SHISAL2A: variants seen among roughly 807,000 people sequenced by gnomAD.
The protein encoded by SHISAL2A is shisa like 2A.
In SHISAL2A, 18 loss-of-function variants were observed where a neutral mutation model predicts 11.5. The observed-to-expected ratio is 1.57, with a 90% CI of 1.08 to 2.33. SHISAL2A has a LOEUF of 2.33. Among genes scored for constraint, SHISAL2A ranks in the 30% most tolerant of loss-of-function variants. SHISAL2A has a pLI of 0.00. For missense variants in SHISAL2A, 261 were observed against 250.9 expected, an observed-to-expected ratio of 1.04 and a Z score of -0.27; for synonymous variants, 94 against 99.6, an observed-to-expected ratio of 0.94 and a Z score of 0.34.
chr1:52,665,295 C>G (rs866379935), intron 4 of SHISAL2A, among the ~76,000 whole-genome samples: 3 of 152,158 alleles, frequency 2.0e-5, no homozygotes, highest in African/African-American at 7.2e-5. Flanking sequence ...GAATCTTGAG[C>G]CTGATTCTAA....
At chr1:52,651,009 A>C (rs1691632231) in intron 2 of SHISAL2A, among the ~76,000 whole-genome samples, 3 of 151,922 alleles carry the variant, frequency 2.0e-5, no homozygotes, top group Non-Finnish European at 4.4e-5. Flanking sequence ...TTGCTAAAAA[A>C]AAAAGTGAGT....
chr1:52,647,669 A>C (rs922085350), intron 2 of SHISAL2A, among the ~76,000 whole-genome samples: 1 of 151,970 alleles, frequency 6.6e-6, no homozygotes, highest in Non-Finnish European at 1.5e-5. Context: ...AACATGGTGA[A>C]ACCCATCCCT....
chr1:52,655,113 G>A (rs1209844789), intron 2 of SHISAL2A, among the ~76,000 whole-genome samples: 4 of 152,132 alleles, frequency 2.6e-5, no homozygotes, highest in Non-Finnish European at 5.9e-5. Flanking sequence ...TTGAACCCAG[G>A]AAATGGAGGT....
At chr1:52,657,516 G>A (rs72907554), downstream of SHISAL2A, among the ~76,000 whole-genome samples, 280 of 152,214 alleles carry the variant, frequency 1.8e-3, 1 homozygote, top group African/African-American at 6.0e-3. Flanking sequence ...GGGCTCAGGC[G>A]TCATTCTATT....
intron 4 of SHISAL2A, among the ~76,000 whole-genome samples, chr1:52,662,344 A>AT (rs1330045924): frequency 3.3e-5 from 5 of 149,774 alleles, no homozygotes; most frequent in East Asian, 1.9e-4. Flanking sequence ...ATTTTATTTT[A>AT]TTTATTTATT....
intron 1 of SHISAL2A, among the ~76,000 whole-genome samples, chr1:52,635,805 A>G (rs1031602890): frequency 5.3e-5 from 8 of 152,246 alleles, no homozygotes; most frequent in Non-Finnish European, 1.0e-4. Flanking sequence ...TCTTTGTTTT[A>G]AAGTTAAACT....
intron 2 of SHISAL2A, among the ~76,000 whole-genome samples, chr1:52,650,807 G>A (rs1691623590): frequency 6.6e-6 from 1 of 151,578 alleles, no homozygotes; most frequent in Admixed American, 6.6e-5. Flanking sequence ...ACCACACCCG[G>A]CTAATTTTTG....
intron 2 of SHISAL2A, among the ~76,000 whole-genome samples, chr1:52,650,618 A>G (rs1235103459): frequency 6.7e-6 from 1 of 148,446 alleles, no homozygotes; most frequent in Non-Finnish European, 1.5e-5. Flanking sequence ...AATCTCAAAC[A>G]TACCATTTTC....
chr1:52,656,902 G>A lies in SHISAL2A; in HGVS notation c.435G>A (p.Glu145=), dbSNP rs768612287. Residue 145 remains glutamate, a synonymous_variant, in exon 3 of 3, where the codon GAG becomes GAA. Transcript: ENST00000517870. ...QSYSCLNPQL[E]SNEGQAVNSK... ...ACTCCTGCTTGAACCCGCAGCTGGAGAGCAATGAGGGGCAGGCTGTGAACT... is the reference window on the plus strand; with the variant it reads ...ACTCCTGCTTGAACCCGCAGCTGGAAAGCAATGAGGGGCAGGCTGTGAACT... 2.5e-6 allele frequency: 4 copies of A among 1,614,054 alleles called. No individual in the cohort carries two copies. The South Asian group carries it at 4.4e-5, about 18-fold the overall frequency.
intron 2 of SHISAL2A, among the ~76,000 whole-genome samples, chr1:52,649,197 A>C (rs912246094): frequency 9.2e-5 from 14 of 152,152 alleles, no homozygotes; most frequent in African/African-American, 3.1e-4. Flanking sequence ...CCACTCTCTT[A>C]CATTCATCAG....
At chr1:52,639,578 C>G (rs1691313235) in intron 1 of SHISAL2A, among the ~76,000 whole-genome samples, 1 of 151,884 alleles carries the variant, frequency 6.6e-6, no homozygotes, top group African/African-American at 2.4e-5. Flanking sequence ...ACGGTGAAAC[C>G]CTGTCTCTAT....
At chr1:52,654,559 C>A (rs1691748989) in intron 2 of SHISAL2A, among the ~76,000 whole-genome samples, 1 of 152,114 alleles carries the variant, frequency 6.6e-6, no homozygotes, top group African/African-American at 2.4e-5. Flanking sequence ...GGAAGATAGT[C>A]TTTTCAATAA....
At chr1:52,646,742 CAAGT>C (rs1453068608) in intron 2 of SHISAL2A, among the ~76,000 whole-genome samples, 2 of 152,102 alleles carry the variant, frequency 1.3e-5, no homozygotes, top group South Asian at 2.1e-4. Flanking sequence ...ATGGTACAAG[CAAGT>C]GTCTTTTTCT....
downstream of SHISAL2A, among the ~76,000 whole-genome samples, chr1:52,661,342 C>A (rs549859658): frequency 6.6e-6 from 1 of 152,228 alleles, no homozygotes; most frequent in Non-Finnish European, 1.5e-5. Flanking sequence ...GTTGCAGATC[C>A]TTCAGAAGTC....
intron 2 of SHISAL2A, among the ~76,000 whole-genome samples, chr1:52,644,638 C>T (rs533815107): frequency 2.7e-5 from 4 of 150,456 alleles, no homozygotes; most frequent in East Asian, 2.0e-4. Flanking sequence ...GCAGGAGAAT[C>T]GCTTGAACCC....
Position 52,633,417 on chromosome 1 carries a change from C to A in SHISAL2A, c.-77C>A. On this transcript the variant is annotated 5_prime_UTR_variant, in exon 1 of 3. Transcript: ENST00000517870. The surrounding 1 kb of genome is among the most constrained non-coding windows in gnomAD (Gnocchi z 6.4). ...TTCTCAGGCTCAGCTCCGTCTCGCTCGGTCCCTCGCTTCCCCGCCGGGCTC... is the reference window on the plus strand; with the variant it reads ...TTCTCAGGCTCAGCTCCGTCTCGCTAGGTCCCTCGCTTCCCCGCCGGGCTC... The A allele has an allele frequency of 7.8e-7, 1 of 1,281,198 alleles. No individual in the cohort carries two copies. The highest frequency in any genetic ancestry group is 1.0e-6 in the Non-Finnish European group (1 of 977,720). 79.4% of individuals were successfully genotyped at this position (1,281,198 alleles called of 1,614,324 possible). A position where few individuals can be genotyped will look rare whatever the true frequency, so the allele number is the denominator to read the frequency against.
At chr1:52,651,614 G>A (rs796762351) in intron 2 of SHISAL2A, among the ~76,000 whole-genome samples, 19 of 151,278 alleles carry the variant, frequency 1.3e-4, no homozygotes, top group African/African-American at 4.6e-4. Flanking sequence ...TTGCCATCTC[G>A]GCTCACTGCA....
intron 1 of SHISAL2A, among the ~76,000 whole-genome samples, chr1:52,639,406 T>C (rs1691308840): frequency 6.6e-6 from 1 of 152,188 alleles, no homozygotes; most frequent in African/African-American, 2.4e-5. Flanking sequence ...TGTGTCCTGC[T>C]CTTTTCAATT....
Position 52,662,511 on chromosome 1 carries a change from A to ATTT in SHISAL2A, n.695+2947_695+2949dup, listed in dbSNP as rs547508025. Among the ~76,000 whole-genome samples the ATTT allele has an allele frequency of 4.4e-5, 6 of 137,678 alleles. No individual in the cohort carries two copies. The East Asian group carries it at 6.3e-4, about 14-fold the overall frequency. The allele number at this position is 137,678 out of a possible 152,430, so 90.3% of individuals were successfully genotyped here. On this transcript the variant is annotated intron_variant and non_coding_transcript_variant, in intron 4 of 5. Coordinates refer to the SHISAL2A transcript ENST00000401050. ...AGGCCCCTGCCAATATGCCCGGCTAATTTTTTTTTTTTTTTTTTAAATAAA... is the reference window on the plus strand; with the variant it reads ...AGGCCCCTGCCAATATGCCCGGCTAATTTTTTTTTTTTTTTTTTTTTAAATAAA...
Sources: allele counts gnomAD v4.1 joint callset (sites outside exome capture counted in the v4.1 genomes callset), GRCh38; gene constraint gnomAD v4.1.1; non-coding constraint Gnocchi (gnomAD v3.1); transcripts MANE v1.5; gene names NCBI Gene and HGNC (gene_info 2026-07-23, HGNC 2026-07-21).